The following ZFHX3 variants were observed in gnomAD, a reference collection of about 807,000 sequenced individuals.
The protein encoded by ZFHX3 is zinc finger homeobox protein 3.
Under a neutral mutation model 279.1 loss-of-function variants are expected in ZFHX3, and 42 were observed. The observed-to-expected ratio is 0.15, with a 90% CI of 0.12 to 0.19. The LOEUF is 0.19. Among genes scored for constraint, ZFHX3 ranks in the 10% least tolerant of loss-of-function variants. The pLI is 1.00. For synonymous variants in ZFHX3, 2,293 were observed against 1,957.8 expected, an observed-to-expected ratio of 1.17 and a Z score of -4.52; for missense variants, 4,981 against 4,754.0, an observed-to-expected ratio of 1.05 and a Z score of -1.40.
intron 2 of ZFHX3, among the ~76,000 whole-genome samples, chr16:73,588,009 C>T (rs554107190): frequency 8.3e-4 from 126 of 152,218 alleles, no homozygotes; most frequent in Non-Finnish European, 1.5e-3. Flanking sequence ...GGGCCACAAA[C>T]GGTAAAGCAA....
At chr16:73,809,172 G>C (rs183034314) in intron 1 of ZFHX3, 1 of 152,316 alleles carries the variant, frequency 6.6e-6, no homozygotes, top group Non-Finnish European at 1.5e-5. Context: ...CCAAGGTGCA[G>C]GTAGAGTTCC....
intron 3 of ZFHX3, among the ~76,000 whole-genome samples, chr16:73,399,839 T>TGC (rs1202918323): frequency 1.8e-5 from 2 of 110,028 alleles, no homozygotes; most frequent in Non-Finnish European, 3.8e-5. Context: ...TGGTGTGTGG[T>TGC]GTGTGTGTGT....
chr16:73,067,015 C>CT (rs1219885344), intron 8 of ZFHX3, among the ~76,000 whole-genome samples: 2 of 152,092 alleles, frequency 1.3e-5, no homozygotes, highest in Non-Finnish European at 1.5e-5. Context: ...ACCCCTCAGC[C>CT]CCAGGTGCAA....
intron 5 of ZFHX3, among the ~76,000 whole-genome samples, chr16:73,219,824 G>A (rs933907747): frequency 1.3e-5 from 2 of 152,154 alleles, no homozygotes; most frequent in Non-Finnish European, 2.9e-5. Flanking sequence ...GGTGGCTCAC[G>A]CCTGTAATCC....
In ZFHX3 at chr16:73,727,609, T is replaced by C. The variant is rs538331712; in HGVS notation, c.-1607-47369A>G. The stretch of plus-strand genomic sequence containing the variant: ...AGTTGCAGCAAGTATACGGGACTCA[T>C]TATGCATTTTTCCAGGTTTTCTTCT... On this transcript the variant is annotated intron_variant, in intron 1 of 17. Transcript: ENST00000641206. Among the ~76,000 whole-genome samples, 5 of 152,284 alleles carry C rather than the reference T, an allele frequency of 3.3e-5. No individual in the cohort carries two copies. In the South Asian group the frequency reaches 1.0e-3, roughly 32 times the overall value.
At chr16:73,084,719 A>G (rs556981831) in intron 8 of ZFHX3, among the ~76,000 whole-genome samples, 1 of 152,026 alleles carries the variant, frequency 6.6e-6, no homozygotes, top group Non-Finnish European at 1.5e-5. Context: ...ATGGGGTTTC[A>G]CCGTGTTAGC....
chr16:72,838,059 G>A (rs1188833740), intron 4 of ZFHX3, among the ~76,000 whole-genome samples: 1 of 152,214 alleles, frequency 6.6e-6, no homozygotes, highest in Non-Finnish European at 1.5e-5. Context: ...CTTCCAAGGG[G>A]GTTGCAGCAG....
chr16:72,835,970 T>A (rs2037182729), intron 4 of ZFHX3, among the ~76,000 whole-genome samples: 1 of 152,148 alleles, frequency 6.6e-6, no homozygotes, highest in Admixed American at 6.5e-5. Flanking sequence ...TCCCACAATA[T>A]AAAAGATGAC....
Position 72,787,719 on chromosome 16 carries a change from A to ACCGCCG in ZFHX3, c.10551_10556dup (p.Gly3526_Gly3527dup), listed in dbSNP as rs751575363. On this transcript the variant is annotated inframe_insertion, in exon 10 of 10. Coordinates refer to ENST00000268489, the MANE Select transcript of ZFHX3 (RefSeq NM_006885.4). ...AGCCGCCGCCGCCGCCGCCGCCGCC[A>ACCGCCG]CCGCCGCCGCCGCCGCCACTGCCAC... 574 of 1,297,308 alleles carry ACCGCCG rather than the reference A, an allele frequency of 4.4e-4. 2 individuals carry two copies. In the African/African-American group the frequency reaches 4.7e-3, roughly 11 times the overall value. 80.4% of individuals were successfully genotyped at this position (1,297,308 alleles called of 1,614,324 possible).
chr16:73,176,235 A>G (rs574820992), intron 5 of ZFHX3, among the ~76,000 whole-genome samples: 2 of 152,060 alleles, frequency 1.3e-5, no homozygotes, highest in Non-Finnish European at 2.9e-5. Flanking sequence ...ATGACTAATG[A>G]CTCCTCATCT....
intron 8 of ZFHX3, among the ~76,000 whole-genome samples, chr16:73,071,246 AT>A (rs1252027617): frequency 6.6e-6 from 1 of 150,810 alleles, no homozygotes; most frequent in Admixed American, 6.6e-5. Flanking sequence ...GAGCTTCGAG[AT>A]TTCGGTGTTG....
At chr16:73,330,749 G>T (rs1597287339) in intron 3 of ZFHX3, among the ~76,000 whole-genome samples, 1 of 152,302 alleles carries the variant, frequency 6.6e-6, no homozygotes, top group African/African-American at 2.4e-5. Flanking sequence ...TTGTGGTTTG[G>T]TGGAGGCAGG....
chr16:73,467,621 G>A (rs906791319), intron 2 of ZFHX3, among the ~76,000 whole-genome samples: 2 of 152,198 alleles, frequency 1.3e-5, no homozygotes, highest in Non-Finnish European at 2.9e-5. Flanking sequence ...ACAATTGAAC[G>A]TAGGTGGTGA....
rs868240638 is a variant in ZFHX3, at chr16:73,550,592, G to A, written c.-1546-94334C>T. On this transcript the variant is annotated intron_variant, in intron 2 of 17. Transcript: ENST00000641206. ...ATCCTTCGCAAAGTTTTTCAACAAT[G>A]AGGTCAGATACAAATTGTGGATGAA... 7.2e-5 allele frequency among the ~76,000 whole-genome samples: 11 copies of A among 152,338 alleles called. 1 individual carries two copies. The highest frequency in any genetic ancestry group is 6.8e-3 in the Middle Eastern group (2 of 294).
chr16:73,126,207 G>A (rs1966567422), intron 7 of ZFHX3, among the ~76,000 whole-genome samples: 1 of 152,148 alleles, frequency 6.6e-6, no homozygotes, highest in Admixed American at 6.5e-5. Flanking sequence ...GGACTTCAGA[G>A]AAGAGAAAGG....
chr16:72,818,007 T>A (rs950546098), intron 5 of ZFHX3, among the ~76,000 whole-genome samples: 9 of 152,194 alleles, frequency 5.9e-5, no homozygotes, highest in African/African-American at 1.9e-4. Flanking sequence ...CTCATCGCCT[T>A]ACATTCCGTA....
chr16:73,424,698 G>C lies in ZFHX3; in HGVS notation c.-1291+31305C>G, dbSNP rs1383899417. Among the ~76,000 whole-genome samples, 7 of 139,298 alleles carry C rather than the reference G, an allele frequency of 5.0e-5. No homozygotes were observed. In the South Asian group the frequency reaches 1.7e-3, roughly 34 times the overall value. The allele number at this position is 139,298 out of a possible 152,430, so 91.4% of individuals were successfully genotyped here. On this transcript the variant is annotated intron_variant, in intron 3 of 17. Transcript: ENST00000641206. ...GAGCCCAGGAGGTTGAGGCTGCAGTGAGCTATGATTGCGCCACTGCACTTG... is the reference window on the plus strand; with the variant it reads ...GAGCCCAGGAGGTTGAGGCTGCAGTCAGCTATGATTGCGCCACTGCACTTG...
chr16:73,732,291 T>C (rs2053575601), intron 1 of ZFHX3, among the ~76,000 whole-genome samples: 1 of 152,336 alleles, frequency 6.6e-6, no homozygotes, highest in Admixed American at 6.5e-5. Context: ...GGCTACTTTC[T>C]GAAGGTTTCA....
intron 2 of ZFHX3, among the ~76,000 whole-genome samples, chr16:73,580,266 T>C (rs1475805475): frequency 6.6e-6 from 1 of 151,846 alleles, no homozygotes; most frequent in Non-Finnish European, 1.5e-5. Context: ...GATCACAAGG[T>C]CAAGAGGTTG....
Sources: gnomAD v4.1 joint callset for allele counts (sites outside exome capture counted in the v4.1 genomes callset) on GRCh38, gnomAD v4.1.1 for gene constraint, MANE v1.5 for transcripts, NCBI Gene and HGNC (gene_info 2026-07-23, HGNC 2026-07-21) for gene names.